Variants in PARP10 observed in about 807,000 individuals in gnomAD.
PARP10 encodes protein mono-ADP-ribosyltransferase PARP10.
A neutral mutation model predicts 82.4 loss-of-function variants in PARP10; 56 were observed. That is an observed-to-expected ratio of 0.68 (90% CI 0.55 to 0.85). PARP10 has a LOEUF of 0.85. PARP10 is among the 40% of genes least tolerant of loss of function. The pLI is 0.00. For missense variants in PARP10, 1,227 were observed against 1,379.4 expected (o/e 0.89, Z 1.75); for synonymous variants, 576 against 601.1 (o/e 0.96, Z 0.61).
At chr8:143,982,460 C>T (rs539786499) in intron 9 of PARP10, among the ~76,000 whole-genome samples, 54 of 152,038 alleles carry the variant, frequency 3.6e-4, no homozygotes, top group Non-Finnish European at 7.4e-4. Context: ...GGAGACACAG[C>T]GAGATGCCGT....
intron 8 of PARP10, 38 bp downstream of exon 8, chr8:143,983,129 C>A (rs1833901375): frequency 4.3e-6 from 7 of 1,612,018 alleles, no homozygotes; most frequent in Non-Finnish European, 5.1e-6. Flanking sequence ...TGCTAACCAG[C>A]CCACCCCACC....
chr8:143,979,964 A>G (rs1554747292), intron 9 of PARP10, among the ~76,000 whole-genome samples: 1 of 139,246 alleles, frequency 7.2e-6, no homozygotes, highest in Non-Finnish European at 1.5e-5. Context: ...GTGAGCCGAC[A>G]TCGTGCCACT....
At chr8:143,986,265 A>G (rs1587461375) in intron 1 of PARP10, 32 bp from the exon 2 acceptor site, 4 of 1,613,334 alleles carry the variant, frequency 2.5e-6, no homozygotes, top group African/African-American at 1.3e-5. Context: ...GTAGGGAAAC[A>G]GCCCATTCCA....
chr8:143,987,787 AG>A (rs1202743146), upstream of PARP10, among the ~76,000 whole-genome samples: 4 of 152,084 alleles, frequency 2.6e-5, no homozygotes, highest in Non-Finnish European at 5.9e-5. Context: ...GCTACTCAGG[AG>A]GCTGAGTCAG....
intron 1 of PARP10, among the ~76,000 whole-genome samples, chr8:144,003,123 T>TA (rs1554751807): frequency 6.6e-6 from 1 of 151,962 alleles, no homozygotes; most frequent in Non-Finnish European, 1.5e-5. Context: ...TACAAACAAC[T>TA]AAAAAATGTT....
chr8:144,009,265 A>G (rs1330448131), intron 1 of PARP10, among the ~76,000 whole-genome samples: 2 of 152,080 alleles, frequency 1.3e-5, no homozygotes, highest in African/African-American at 4.8e-5. Flanking sequence ...TTGATACATC[A>G]CCAATGACTT....
chr8:144,001,355 G>A (rs1177257699), intron 1 of PARP10, among the ~76,000 whole-genome samples: 1 of 152,126 alleles, frequency 6.6e-6, no homozygotes, highest in Non-Finnish European at 1.5e-5. Context: ...AAGTACCTGG[G>A]ATTACAGGCG....
At chr8:143,982,564 C>T (rs1418664577) in intron 9 of PARP10, among the ~76,000 whole-genome samples, 7 of 152,258 alleles carry the variant, frequency 4.6e-5, no homozygotes, top group African/African-American at 1.7e-4. Flanking sequence ...CCCAGAACAG[C>T]ACAAGGGACG....
chr8:143,977,447 G>A lies in PARP10; in HGVS notation c.*37C>T. 1 of 1,484,942 alleles carries A rather than the reference G, an allele frequency of 6.7e-7. No individual in the cohort carries two copies. 92.0% of individuals were successfully genotyped at this position (1,484,942 alleles called of 1,614,324 possible). On this transcript the variant is annotated 3_prime_UTR_variant, in exon 11 of 11. Transcript: ENST00000313028. ...AGCATCAGCCTGTGCGGAGCTGGGA[G>A]CCTGGGAAGCAGGAGGCCAGAGGGT...
At position 143,983,746 on chromosome 8, in the gene PARP10, G is replaced by C; in HGVS notation, c.1843C>G (p.Arg615Gly). Residue 615 changes from arginine to glycine, a missense_variant, in exon 8 of 11, where the codon CGG (arginine) becomes GGG (glycine). Arg to Gly is a moderately radical substitution (Grantham distance 125). Transcript: ENST00000313028. Reference protein sequence around the residue: ...LDLDGEDWLPRELEEEGPQEQ... With the variant: ...LDLDGEDWLPGELEEEGPQEQ... ...TGAGGCCCTTCCTCCTCCAGCTCCC[G>C]AGGCAGCCAGTCCTCCCCGTCTAGG... is the stretch of plus-strand genomic sequence containing the variant. 1.2e-6 allele frequency: 2 copies of C among 1,612,202 alleles called. No individual in the cohort carries two copies. Among genetic ancestry groups the C allele is most frequent in the South Asian group, 1.1e-5 (1 of 90,722 alleles).
intron 1 of PARP10, among the ~76,000 whole-genome samples, chr8:144,002,413 A>C (rs543859766): frequency 7.2e-5 from 11 of 152,282 alleles, no homozygotes; most frequent in African/African-American, 2.6e-4. Context: ...ACATAATTCA[A>C]TAAGCTGATT....
chr8:143,991,527 G>A, upstream of PARP10: 1 of 1,549,114 alleles, frequency 6.5e-7, no homozygotes. Flanking sequence ...CTACCCCCAG[G>A]GGCCATATCC....
At chr8:143,992,849 C>G (rs2133067069), upstream of PARP10, 1 of 1,612,118 alleles carries the variant, frequency 6.2e-7, no homozygotes, top group Non-Finnish European at 8.5e-7. Flanking sequence ...TAGCCGAGCT[C>G]CAGCTCGCTG....
At chr8:143,998,362 G>A (rs530540042) in intron 1 of PARP10, among the ~76,000 whole-genome samples, 3 of 152,302 alleles carry the variant, frequency 2.0e-5, no homozygotes, top group South Asian at 2.1e-4. Flanking sequence ...CCCAGACTCC[G>A]CTCAGCTCTG....
chr8:143,999,146 C>T (rs1834182480), intron 1 of PARP10, among the ~76,000 whole-genome samples: 1 of 151,974 alleles, frequency 6.6e-6, no homozygotes, highest in Non-Finnish European at 1.5e-5. Context: ...GACTCAAGAT[C>T]CTTCCGCCTC....
rs1833941677 is a variant in PARP10 at position 143,984,640 on chromosome 8, C to T, written c.1362G>A (p.Ala454=). The T allele has an allele frequency of 4.3e-6, 7 of 1,614,062 alleles. No individual in the cohort carries two copies. The highest frequency in any genetic ancestry group is 1.3e-5 in the African/African-American group (1 of 74,998). The change falls in exon 5 of 11, where the codon GCG becomes GCA. Residue 454 remains alanine (A), a synonymous_variant. Coordinates refer to ENST00000313028, the MANE Select transcript of PARP10 (RefSeq NM_032789.5). ...VEMVLLMEPG[A]MRFLQLYHED... ...CATGGTAGAGCTGCAGGAAGCGCAT[C>T]GCCCCTGGCTCCATCAATAGCACCA...
In PARP10 at chr8:143,986,411, T is replaced by G. The variant is rs1297878758; in HGVS notation, c.-52A>C. The G allele has an allele frequency of 1.2e-6, 2 of 1,613,852 alleles. No individual in the cohort carries two copies. Among genetic ancestry groups the G allele is most frequent in the African/African-American group, 2.7e-5 (2 of 74,916 alleles). On this transcript the variant is annotated 5_prime_UTR_variant, in exon 1 of 11. Coordinates refer to ENST00000313028, the MANE Select transcript of PARP10 (RefSeq NM_032789.5). ...GCCATGAGCTCAGCCAGGACTCCTG[T>G]GCCTGCCCCTCAGCAAGCCTAACCC...
chr8:143,980,181 G>A (rs1173111660), intron 9 of PARP10, among the ~76,000 whole-genome samples: 4 of 150,924 alleles, frequency 2.7e-5, no homozygotes, highest in Non-Finnish European at 4.4e-5. Context: ...TAAGCTGGGC[G>A]TGGTGGCAGG....
upstream of PARP10, chr8:143,991,835 G>T (rs1834103040): frequency 2.5e-6 from 4 of 1,607,378 alleles, no homozygotes; most frequent in Non-Finnish European, 3.4e-6. Flanking sequence ...GGCGGTGGGG[G>T]CTGTGGCTCC....
Sources: gnomAD v4.1 joint callset for allele counts (sites outside exome capture counted in the v4.1 genomes callset) on GRCh38, gnomAD v4.1.1 for gene constraint, MANE v1.5 for transcripts, NCBI Gene and HGNC (gene_info 2026-07-23, HGNC 2026-07-21) for gene names.